Variants in IQCM observed in about 807,000 individuals in gnomAD.
The protein encoded by IQCM is IQ motif containing M.
In IQCM, 45 loss-of-function variants were observed where a neutral mutation model predicts 57.6. The ratio of observed to expected loss-of-function variants is 0.78; its 90% confidence interval spans 0.62 to 1.00. The LOEUF is 1.00. IQCM is among the 50% of genes least tolerant of loss of function. IQCM has a pLI of 0.00. For synonymous variants in IQCM, 148 were observed against 158.9 expected, an observed-to-expected ratio of 0.93 and a Z score of 0.51; for missense variants, 468 against 511.6, an observed-to-expected ratio of 0.91 and a Z score of 0.82.
At chr4:149,474,147 T>G (rs920110221) in intron 12 of IQCM, among the ~76,000 whole-genome samples, 6 of 150,342 alleles carry the variant, frequency 4.0e-5, no homozygotes, top group African/African-American at 1.5e-4. Flanking sequence ...TAAATAAGAT[T>G]GCTAGTCAAA....
At chr4:149,753,238 A>G (rs1768627376) in intron 2 of IQCM, among the ~76,000 whole-genome samples, 1 of 152,156 alleles carries the variant, frequency 6.6e-6, no homozygotes, top group Admixed American at 6.6e-5. Context: ...AATTTACTCC[A>G]TAGGAAACGA....
chr4:149,703,216 C>A (rs997682774), intron 5 of IQCM, among the ~76,000 whole-genome samples: 1 of 151,860 alleles, frequency 6.6e-6, no homozygotes, highest in Admixed American at 6.6e-5. Flanking sequence ...TTCTTTAGTA[C>A]AAGAATAAAA....
chr4:149,719,587 C>A (rs947979278), intron 5 of IQCM, among the ~76,000 whole-genome samples: 4 of 152,174 alleles, frequency 2.6e-5, no homozygotes, highest in African/African-American at 7.2e-5. Flanking sequence ...TTATCTTCAG[C>A]AATGCTTGAT....
chr4:149,641,724 G>C (rs1295575038), intron 7 of IQCM, among the ~76,000 whole-genome samples: 1 of 152,008 alleles, frequency 6.6e-6, no homozygotes, highest in African/African-American at 2.4e-5. Flanking sequence ...TTATTTCCAT[G>C]GTTTGGTTTC....
intron 13 of IQCM, among the ~76,000 whole-genome samples, chr4:149,433,170 A>T (rs1438507989): frequency 6.6e-6 from 1 of 152,046 alleles, no homozygotes; most frequent in South Asian, 2.1e-4. Flanking sequence ...ATTTCCATTA[A>T]CTAGTGAATA....
chr4:149,658,455 C>G (rs944487193), intron 7 of IQCM, among the ~76,000 whole-genome samples: 1 of 151,852 alleles, frequency 6.6e-6, no homozygotes, highest in African/African-American at 2.4e-5. Flanking sequence ...AAGCTTTGTA[C>G]CTTTTACTCA....
At chr4:149,812,509 C>CACACACAG (rs1774672325) in intron 2 of IQCM, among the ~76,000 whole-genome samples, 1 of 146,122 alleles carries the variant, frequency 6.8e-6, no homozygotes, top group Non-Finnish European at 1.5e-5. Flanking sequence ...CACAGACACA[C>CACACACAG]ACACACACAC....
At chr4:149,586,754 T>G (rs1752681645) in intron 9 of IQCM, among the ~76,000 whole-genome samples, 1 of 151,784 alleles carries the variant, frequency 6.6e-6, no homozygotes, top group African/African-American at 2.4e-5. Context: ...TTTCATTTGA[T>G]TCTTTTGTAT....
At chr4:149,809,424 T>A (rs975492675) in intron 2 of IQCM, among the ~76,000 whole-genome samples, 1 of 152,062 alleles carries the variant, frequency 6.6e-6, no homozygotes, top group Non-Finnish European at 1.5e-5. Flanking sequence ...ACCAAGTGGG[T>A]TTTTTGTTTG....
At chr4:149,664,777 A>C (rs2150162059) in intron 7 of IQCM, among the ~76,000 whole-genome samples, 1 of 152,218 alleles carries the variant, frequency 6.6e-6, no homozygotes, top group Non-Finnish European at 1.5e-5. Context: ...GTTACAAGCA[A>C]GTTCTGCAAG....
chr4:149,767,584 A>C (rs1287146450), intron 2 of IQCM, among the ~76,000 whole-genome samples: 1 of 152,084 alleles, frequency 6.6e-6, no homozygotes, highest in Non-Finnish European at 1.5e-5. Context: ...TGCTAACATC[A>C]GTATTGGAGG....
Position 149,682,521 on chromosome 4 carries a change from AT to A in IQCM, c.477-316del, listed in dbSNP as rs560308136. On this transcript the variant is annotated intron_variant, in intron 6 of 13. Transcript: ENST00000636793. ...CTATTTCTTCAGTGTTTTGCAAGAG[AT>A]TTTTGAGTAGCATGTTTTCCTAACA... is the stretch of plus-strand genomic sequence containing the variant. Among the ~76,000 whole-genome samples, 33 of 151,252 alleles carry A rather than the reference AT, an allele frequency of 2.2e-4. No individual in the cohort carries two copies. The East Asian group carries it at 6.4e-3, about 29-fold the overall frequency.
intron 9 of IQCM, among the ~76,000 whole-genome samples, chr4:149,585,651 A>G (rs147717413): frequency 6.6e-6 from 1 of 151,774 alleles, no homozygotes; most frequent in East Asian, 1.9e-4. Context: ...TTAATAATTT[A>G]TTAAGTATAG....
chr4:149,519,349 C>T (rs1478427495), intron 12 of IQCM, among the ~76,000 whole-genome samples: 6 of 152,276 alleles, frequency 3.9e-5, no homozygotes, highest in South Asian at 2.1e-4. Flanking sequence ...TGGCCGGGCG[C>T]GGTGGCTCAC....
chr4:149,580,215 A>G (rs2149982587), intron 9 of IQCM, among the ~76,000 whole-genome samples: 1 of 151,968 alleles, frequency 6.6e-6, no homozygotes, highest in East Asian at 2.0e-4. Flanking sequence ...TTCTGGGCTC[A>G]GGTGAATAAT....
intron 2 of IQCM, among the ~76,000 whole-genome samples, chr4:149,763,171 G>A (rs1312108832): frequency 6.6e-6 from 1 of 151,960 alleles, no homozygotes; most frequent in Non-Finnish European, 1.5e-5. Context: ...TCGTCACCAG[G>A]AAGCAATAAT....
chr4:149,584,006 A>G (rs1354040865), intron 9 of IQCM, among the ~76,000 whole-genome samples: 1 of 151,614 alleles, frequency 6.6e-6, no homozygotes, highest in African/African-American at 2.4e-5. Flanking sequence ...AAATAAATGT[A>G]TACACTATCA....
At chr4:149,725,303 G>T (rs1316924264) in intron 5 of IQCM, among the ~76,000 whole-genome samples, 1 of 152,110 alleles carries the variant, frequency 6.6e-6, no homozygotes, top group Non-Finnish European at 1.5e-5. Context: ...TAATCTCACA[G>T]ACTTTAATCA....
intron 8 of IQCM, among the ~76,000 whole-genome samples, chr4:149,600,036 C>T (rs1754133611): frequency 6.6e-6 from 1 of 151,874 alleles, no homozygotes; most frequent in African/African-American, 2.4e-5. Flanking sequence ...AAGGGAGCCC[C>T]CTGAGTAGTT....
Sources: gnomAD v4.1 joint callset for allele counts (sites outside exome capture counted in the v4.1 genomes callset) on GRCh38, gnomAD v4.1.1 for gene constraint, MANE v1.5 for transcripts, NCBI Gene and HGNC (gene_info 2026-07-23, HGNC 2026-07-21) for gene names.